PAXIP1: variants seen among roughly 807,000 people sequenced by gnomAD.
The protein encoded by PAXIP1 is PAX interacting protein 1.
In PAXIP1, 19 loss-of-function variants were observed where a neutral mutation model predicts 140.6. That is an observed-to-expected ratio of 0.14 (90% confidence interval 0.09 to 0.20). The LOEUF (loss-of-function observed/expected upper bound fraction) is 0.20. Ranked by LOEUF, PAXIP1 falls within the 10% of genes least tolerant of loss-of-function variation. PAXIP1 has a pLI of 1.00. For synonymous variants in PAXIP1, 442 were observed against 444.6 expected (o/e 0.99, Z 0.07); for missense variants, 920 against 1,208.6 (o/e 0.76, Z 3.54).
intron 6 of PAXIP1, chr7:154,974,756 G>A (rs1809488839): frequency 6.6e-6 from 1 of 151,942 alleles, no homozygotes; most frequent in Admixed American, 6.6e-5. Context: ...AGTTTTCTTA[G>A]TCACAATTTT....
chr7:154,983,099 T>C (rs183070210), intron 5 of PAXIP1, 120 bp downstream of exon 5: 2 of 578,442 alleles, frequency 3.5e-6, no homozygotes, highest in Admixed American at 7.2e-5. Context: ...TATAAACCAA[T>C]ATAATCAGCT....
intron 1 of PAXIP1, 53 bp downstream of exon 1, chr7:155,002,796 A>ACGGACGGGGACG (rs971466306): frequency 1.1e-5 from 11 of 1,025,222 alleles, no homozygotes; most frequent in Middle Eastern, 3.2e-4. Context: ...GGGGACGGGG[A>ACGGACGGGGACG]CGGACGGGGA....
In PAXIP1 at chr7:154,953,245, C is replaced by G. The variant is rs138016909; in HGVS notation, c.2821+1010G>C. Among the ~76,000 whole-genome samples, 969 of 152,250 alleles carry G rather than the reference C, an allele frequency of 6.4e-3. 20 individuals are homozygous for G. Among genetic ancestry groups the G allele is most frequent in the African/African-American group, 0.022 (915 of 41,544 alleles). The stretch of plus-strand genomic sequence containing the variant: ...TCCCTTTGGCAGCTGTATCTTTCTG[C>G]TTAAGGGGTCGGGGGCGAGGGAGGC... On this transcript the variant is annotated intron_variant, in intron 16 of 20. Transcript: ENST00000404141.
chr7:154,957,749 T>G (rs1032219130), intron 13 of PAXIP1, among the ~76,000 whole-genome samples: 1 of 151,136 alleles, frequency 6.6e-6, no homozygotes, highest in Non-Finnish European at 1.5e-5. Flanking sequence ...GGGTGGATCA[T>G]GAGGTCAGGA....
intron 2 of PAXIP1, among the ~76,000 whole-genome samples, chr7:154,994,479 C>A (rs1810483245): frequency 1.3e-5 from 2 of 152,136 alleles, no homozygotes; most frequent in Admixed American, 1.3e-4. Flanking sequence ...ATACTCACTA[C>A]CCACCCATCA....
At chr7:154,962,256 G>C in intron 10 of PAXIP1, 65 bp downstream of exon 10, 1 of 1,581,990 alleles carries the variant, frequency 6.3e-7, no homozygotes, top group Non-Finnish European at 8.7e-7. Context: ...GTAAGCACTA[G>C]CAAGTGATTA....
intron 5 of PAXIP1, 94 bp from the exon 6 acceptor site, chr7:154,976,425 T>C (rs1056832534): frequency 1.6e-5 from 24 of 1,475,034 alleles, no homozygotes; most frequent in Non-Finnish European, 2.0e-5. Flanking sequence ...AGTCAAGGAA[T>C]GCAGTTGAAA....
intron 8 of PAXIP1, among the ~76,000 whole-genome samples, chr7:154,966,158 A>G (rs1444986848): frequency 6.6e-6 from 1 of 152,188 alleles, no homozygotes; most frequent in Admixed American, 6.5e-5. Context: ...TCCTCCTTCC[A>G]TAGTCTTATG....
intron 5 of PAXIP1, among the ~76,000 whole-genome samples, chr7:154,980,027 G>C (rs1450924398): frequency 2.6e-5 from 4 of 152,174 alleles, no homozygotes; most frequent in African/African-American, 9.7e-5. Flanking sequence ...TATTGTATTT[G>C]TCACAAAAGC....
Position 155,003,022 on chromosome 7 carries a change from C to G in PAXIP1, c.-93G>C, listed in dbSNP as rs1380746813. 3 of 392,270 alleles carry G rather than the reference C, an allele frequency of 7.6e-6. No individual in the cohort carries two copies. Among genetic ancestry groups the G allele is most frequent in the Non-Finnish European group, 1.0e-5 (3 of 290,554 alleles). The allele number at this position is 392,270 out of a possible 1,614,324, so 24.3% of individuals were successfully genotyped here. A position where few individuals can be genotyped will look rare whatever the true frequency, so the allele number is the denominator to read the frequency against. ...CGGCGCCCGGCGCCCCCACTCGCCCCGCCAACGGCCCTGCCCGCGCAGCCC... is the reference window on the plus strand; with the variant it reads ...CGGCGCCCGGCGCCCCCACTCGCCCGGCCAACGGCCCTGCCCGCGCAGCCC... On this transcript the variant is annotated 5_prime_UTR_variant, in exon 1 of 21. Coordinates refer to ENST00000404141, the MANE Select transcript of PAXIP1 (RefSeq NM_007349.4).
intron 8 of PAXIP1, chr7:154,965,020 G>A (rs1013509758): frequency 2.0e-5 from 3 of 152,200 alleles, no homozygotes; most frequent in African/African-American, 7.2e-5. Context: ...AAGAGTTGGA[G>A]CTTTACTCCC....
Position 154,996,220 on chromosome 7 carries a change from G to C in PAXIP1, c.216+2430C>G, listed in dbSNP as rs139675018. Among the ~76,000 whole-genome samples the C allele has an allele frequency of 5.0e-3, 765 of 152,288 alleles. 8 individuals are homozygous for C. The highest frequency in any genetic ancestry group is 0.017 in the African/African-American group (721 of 41,554). On this transcript the variant is annotated intron_variant, in intron 2 of 20. Coordinates refer to ENST00000404141, the MANE Select transcript of PAXIP1 (RefSeq NM_007349.4). The stretch of plus-strand genomic sequence containing the variant: ...ATCAGGATCTACTTGAAATATCTTA[G>C]AGTGAAGGCAAACTGTTGAGTCAGC...
chr7:154,945,802 A>G (rs1807943902), intron 20 of PAXIP1: 4 of 984,348 alleles, frequency 4.1e-6, no homozygotes, highest in Non-Finnish European at 4.8e-6. Flanking sequence ...GATTTTTAAT[A>G]AGGAATTCAA....
intron 1 of PAXIP1, 139 bp downstream of exon 1, chr7:155,002,710 C>T: frequency 8.3e-6 from 3 of 362,378 alleles, no homozygotes; most frequent in East Asian, 1.4e-4. Flanking sequence ...GCCCTCAGCG[C>T]AGTCAGGCCA....
At chr7:154,960,373 G>C (rs1438283131) in intron 12 of PAXIP1, among the ~76,000 whole-genome samples, 1 of 152,190 alleles carries the variant, frequency 6.6e-6, no homozygotes, top group East Asian at 1.9e-4. Context: ...AAGCTCAATA[G>C]TGACAAAGAG....
chr7:154,951,380 G>C (rs1382648338), intron 16 of PAXIP1: 1 of 152,392 alleles, frequency 6.6e-6, no homozygotes, highest in Non-Finnish European at 1.5e-5. Context: ...GACTGTAGTG[G>C]GGGTGGCGGT....
intron 16 of PAXIP1, 145 bp from the exon 17 acceptor site, chr7:154,948,148 AT>A (rs1808082313): frequency 4.7e-6 from 3 of 640,824 alleles, no homozygotes; most frequent in Admixed American, 4.9e-5. Flanking sequence ...AAATGTCACC[AT>A]TATATTTCAT....
At position 154,975,665 on chromosome 7, in the gene PAXIP1, A is replaced by G. The variant is rs372981306; in HGVS notation, c.1074+31T>C. 1.7e-4 allele frequency: 250 copies of G among 1,446,724 alleles called. 1 individual carries two copies. The highest frequency in any genetic ancestry group is 2.2e-4 in the Non-Finnish European group (228 of 1,038,512). 89.6% of individuals were successfully genotyped at this position (1,446,724 alleles called of 1,614,324 possible). Reference sequence around the variant, plus strand: ...GTGAAATCCAATTCTAAGATCCAATACTGACATTTTTTTCGGAAAGAGTGA... The same window carrying G: ...GTGAAATCCAATTCTAAGATCCAATGCTGACATTTTTTTCGGAAAGAGTGA... On this transcript the variant is annotated intron_variant, in intron 6 of 20. Transcript: ENST00000404141.
chr7:154,969,983 G>A (rs1197478168), intron 6 of PAXIP1, among the ~76,000 whole-genome samples: 2 of 152,204 alleles, frequency 1.3e-5, no homozygotes, highest in Non-Finnish European at 2.9e-5. Context: ...CACAATGACA[G>A]GGAATAAGCT....
Sources: allele counts gnomAD v4.1 joint callset (sites outside exome capture counted in the v4.1 genomes callset), GRCh38; gene constraint gnomAD v4.1.1; transcripts MANE v1.5; gene names NCBI Gene and HGNC (gene_info 2026-07-23, HGNC 2026-07-21).